Variants in IL1RAPL1 observed in about 807,000 individuals in gnomAD.
IL1RAPL1 encodes the protein interleukin-1 receptor accessory protein-like 1.
A neutral mutation model predicts 48.4 loss-of-function variants in IL1RAPL1; 3 were observed. The ratio of observed to expected loss-of-function variants is 0.06; its 90% CI spans 0.03 to 0.16. IL1RAPL1 has a LOEUF of 0.16. IL1RAPL1 is among the 10% of genes least tolerant of loss of function. The pLI is 1.00. For missense variants in IL1RAPL1, 349 were observed against 530.6 expected (o/e 0.66, Z 3.36); for synonymous variants, 185 against 187.7 (o/e 0.99, Z 0.12).
At chrX:28,820,849 C>A (rs746826332) in intron 2 of IL1RAPL1, among the ~76,000 whole-genome samples, 2 of 110,856 alleles carry the variant, frequency 1.8e-5, no homozygotes, top group African/African-American at 3.3e-5. Context: ...AACTAATGGC[C>A]CATTTTTCTC....
chrX:29,226,276 T>G (rs12556524), intron 2 of IL1RAPL1, among the ~76,000 whole-genome samples: 1 of 109,956 alleles, frequency 9.1e-6, no homozygotes, highest in Non-Finnish European at 1.9e-5. Context: ...CCTGATGAGA[T>G]GAAATTTGGA....
intron 2 of IL1RAPL1, among the ~76,000 whole-genome samples, chrX:29,129,130 G>A (rs1407193489): frequency 1.0e-5 from 1 of 95,731 alleles, no homozygotes; most frequent in African/African-American, 4.1e-5. Context: ...CGCGACCTCC[G>A]CCTCCTGGGT....
At chrX:29,509,701 A>ACACACACC (rs891658529) in intron 5 of IL1RAPL1, among the ~76,000 whole-genome samples, 15 of 111,782 alleles carry the variant, frequency 1.3e-4, no homozygotes, top group African/African-American at 4.6e-4. Flanking sequence ...ACACACACAC[A>ACACACACC]CCACTACCAC....
intron 1 of IL1RAPL1, among the ~76,000 whole-genome samples, chrX:28,648,641 A>T (rs774468196): frequency 3.8e-4 from 43 of 111,918 alleles, no homozygotes; most frequent in African/African-American, 1.4e-3. Context: ...TTTTTCAAAA[A>T]GAGGATTTTA....
intron 2 of IL1RAPL1, among the ~76,000 whole-genome samples, chrX:28,918,885 T>C (rs1248597921): frequency 1.8e-5 from 2 of 111,433 alleles, no homozygotes; most frequent in African/African-American, 6.5e-5. Context: ...GGGTTTGAGC[T>C]TCTTGAAGCC....
chrX:29,127,087 C>T (rs1188533970), intron 2 of IL1RAPL1, among the ~76,000 whole-genome samples: 2 of 111,525 alleles, frequency 1.8e-5, no homozygotes, highest in Admixed American at 9.6e-5. Flanking sequence ...GTAGGTACCA[C>T]TTTTTATAAA....
At chrX:28,687,448 C>CA (rs1935123386) in intron 1 of IL1RAPL1, among the ~76,000 whole-genome samples, 1 of 111,388 alleles carries the variant, frequency 9.0e-6, no homozygotes, top group Non-Finnish European at 1.9e-5. Flanking sequence ...TAGCATGGAC[C>CA]AAAAAATTAA....
At chrX:28,889,247 A>G (rs1922715316) in intron 2 of IL1RAPL1, among the ~76,000 whole-genome samples, 1 of 111,381 alleles carries the variant, frequency 9.0e-6, no homozygotes, top group Admixed American at 9.6e-5. Context: ...TTGACTTTGC[A>G]TTTGCATAAA....
At chrX:29,857,116 C>T (rs1014834296) in intron 6 of IL1RAPL1, among the ~76,000 whole-genome samples, 2 of 111,215 alleles carry the variant, frequency 1.8e-5, no homozygotes, top group African/African-American at 6.5e-5. Context: ...AATTGCATAA[C>T]ACGAGTTCAC....
chrX:28,702,541 T>C lies in IL1RAPL1; in HGVS notation c.-24-86779T>C, dbSNP rs769239263. 5.4e-5 allele frequency among the ~76,000 whole-genome samples: 6 copies of C among 111,805 alleles called. No homozygotes were observed. In the South Asian group the frequency reaches 2.2e-3, roughly 41 times the overall value. On this transcript the variant is annotated intron_variant, in intron 1 of 10. Transcript: ENST00000378993. ...TCAAGAAACCATTGACCTTTTCAAG[T>C]AATCATTTCCATGCTAGTGTTAACA...
At chrX:29,758,512 G>A (rs746388088) in intron 6 of IL1RAPL1, among the ~76,000 whole-genome samples, 21 of 110,373 alleles carry the variant, frequency 1.9e-4, no homozygotes, top group Non-Finnish European at 4.0e-4. Context: ...GACCAACATG[G>A]TGAAACCCCC....
At chrX:29,758,479 G>A (rs958315323) in intron 6 of IL1RAPL1, among the ~76,000 whole-genome samples, 14 of 110,595 alleles carry the variant, frequency 1.3e-4, no homozygotes, top group African/African-American at 2.0e-4. Context: ...GATCACCTGC[G>A]GTCAGGAATT....
chrX:28,987,650 A>G lies in IL1RAPL1; in HGVS notation c.82+198225A>G, dbSNP rs754194179. ...ATCAAGATACGCCACACCTATCCTCATTGGCGACCTACCCCCTCAATTCTC... is the reference window on the plus strand; with the variant it reads ...ATCAAGATACGCCACACCTATCCTCGTTGGCGACCTACCCCCTCAATTCTC... On this transcript the variant is annotated intron_variant, in intron 2 of 10. Coordinates refer to ENST00000378993, the MANE Select transcript of IL1RAPL1 (RefSeq NM_014271.4). Among the ~76,000 whole-genome samples the G allele has an allele frequency of 4.5e-5, 5 of 111,829 alleles. No homozygotes were observed. In the East Asian group the frequency reaches 8.5e-4, roughly 19 times the overall value.
chrX:28,844,190 TTTCCCACCAAA>T (rs1431054953), intron 2 of IL1RAPL1, among the ~76,000 whole-genome samples: 2 of 105,860 alleles, frequency 1.9e-5, no homozygotes, highest in Admixed American at 1.0e-4. Context: ...GAAATTCAAA[TTTCCCACCAAA>T]TTCCCACCAA....
At chrX:29,053,563 C>T (rs1275899023) in intron 2 of IL1RAPL1, among the ~76,000 whole-genome samples, 2 of 111,642 alleles carry the variant, frequency 1.8e-5, no homozygotes, top group African/African-American at 6.5e-5. Context: ...AATAACAGCA[C>T]CTGTTGAGTT....
rs1470777272 is a variant in IL1RAPL1 at position 29,012,792 on chromosome X, G to A, written c.82+223367G>A. Among the ~76,000 whole-genome samples the A allele has an allele frequency of 5.4e-5, 6 of 111,622 alleles. No individual in the cohort carries two copies. The Admixed American group carries it at 5.7e-4, about 11-fold the overall frequency. On this transcript the variant is annotated intron_variant, in intron 2 of 10. Transcript: ENST00000378993. Reference sequence around the variant, plus strand: ...CTGACCATTCACAGCAGAAACAATAGTGAACACCATAGACATCTCAATTGC... The same window carrying A: ...CTGACCATTCACAGCAGAAACAATAATGAACACCATAGACATCTCAATTGC...
chrX:28,625,163 T>A (rs1019480164), intron 1 of IL1RAPL1, among the ~76,000 whole-genome samples: 3 of 111,881 alleles, frequency 2.7e-5, no homozygotes, highest in Non-Finnish European at 3.8e-5. Context: ...CTAAGTGACT[T>A]CTGGTAGATC....
At chrX:29,769,616 T>TC (rs1444851047) in intron 6 of IL1RAPL1, among the ~76,000 whole-genome samples, 7 of 81,352 alleles carry the variant, frequency 8.6e-5, no homozygotes, top group Non-Finnish European at 1.7e-4. Flanking sequence ...GCTAATTTTT[T>TC]TTTTTTTTTT....
chrX:29,195,750 G>A (rs972642942), intron 2 of IL1RAPL1, among the ~76,000 whole-genome samples: 1 of 109,508 alleles, frequency 9.1e-6, no homozygotes, highest in Admixed American at 9.9e-5. Flanking sequence ...CTGTAGAGAC[G>A]GGGTTTTGCC....
Sources: gnomAD v4.1 joint callset for allele counts (sites outside exome capture counted in the v4.1 genomes callset) on GRCh38, gnomAD v4.1.1 for gene constraint, MANE v1.5 for transcripts, NCBI Gene and HGNC (gene_info 2026-07-23, HGNC 2026-07-21) for gene names.